EGFLAM: variants seen among roughly 807,000 people sequenced by gnomAD.
EGFLAM encodes EGF like, fibronectin type III and laminin G domains, also known as pikachurin.
A neutral mutation model predicts 113.1 loss-of-function variants in EGFLAM; 79 were observed. The observed-to-expected ratio is 0.70, with a 90% CI of 0.58 to 0.84. The LOEUF is 0.84. Among genes scored for constraint, EGFLAM ranks in the 40% least tolerant of loss-of-function variants. The pLI is 0.00. For synonymous variants in EGFLAM, 504 were observed against 487.6 expected (o/e 1.03, Z -0.44); for missense variants, 1,265 against 1,291.6 (o/e 0.98, Z 0.32).
chr5:38,379,101 A>C (rs1740441860), intron 6 of EGFLAM, among the ~76,000 whole-genome samples: 1 of 152,210 alleles, frequency 6.6e-6, no homozygotes, highest in Admixed American at 6.5e-5. Flanking sequence ...AAGAACAAAA[A>C]GTTTCCTCTC....
At chr5:38,355,480 G>A (rs1739741699) in intron 5 of EGFLAM, among the ~76,000 whole-genome samples, 1 of 152,140 alleles carries the variant, frequency 6.6e-6, no homozygotes, top group African/African-American at 2.4e-5. Context: ...CAGGGGACAA[G>A]GGGAGGTGAA....
intron 1 of EGFLAM, among the ~76,000 whole-genome samples, chr5:38,275,885 G>T (rs921572444): frequency 6.6e-6 from 1 of 152,126 alleles, no homozygotes; most frequent in Admixed American, 6.5e-5. Context: ...GACCACAATG[G>T]CATAAAACTA....
chr5:38,353,367 G>A (rs1353966587), intron 5 of EGFLAM, among the ~76,000 whole-genome samples: 1 of 152,182 alleles, frequency 6.6e-6, no homozygotes, highest in African/African-American at 2.4e-5. Context: ...TTGTGGAGTT[G>A]GGATTCTCCA....
chr5:38,424,940 G>C (rs1741948334), intron 12 of EGFLAM, 27 bp from the exon 13 acceptor site: 2 of 1,611,398 alleles, frequency 1.2e-6, no homozygotes, highest in African/African-American at 2.7e-5. Context: ...TGGAGGATTG[G>C]CTTTGTAATT....
At chr5:38,351,157 G>A (rs1166418517) in intron 4 of EGFLAM, among the ~76,000 whole-genome samples, 1 of 147,536 alleles carries the variant, frequency 6.8e-6, no homozygotes, top group African/African-American at 2.5e-5. Context: ...CACCCAGGCT[G>A]GAGTGTAGTG....
In EGFLAM at chr5:38,409,050, A is replaced by G; in HGVS notation, c.1295A>G (p.His432Arg). ...CTGCTCTACTGTGGGGAGAACGAACACGGGAGGGGGGATTTCATGTCCCTG... is the reference window on the plus strand; with the variant it reads ...CTGCTCTACTGTGGGGAGAACGAACGCGGGAGGGGGGATTTCATGTCCCTG... Reference protein sequence around the residue: ...GLLLYCGENEHGRGDFMSLAI... With the variant: ...GLLLYCGENERGRGDFMSLAI... The change falls in exon 10 of 22, where the codon CAC becomes CGC. Residue 432 changes from histidine to arginine, a missense_variant. Coordinates refer to ENST00000322350, the MANE Select transcript of EGFLAM (RefSeq NM_152403.4). 3.1e-6 allele frequency: 5 copies of G among 1,595,534 alleles called. No homozygotes were observed. The highest frequency in any genetic ancestry group is 1.1e-5 in the South Asian group (1 of 87,818).
intron 6 of EGFLAM, among the ~76,000 whole-genome samples, chr5:38,376,648 T>C (rs2366984): frequency 0.14 from 21,683 of 152,136 alleles, 1,913 homozygotes; most frequent in African/African-American, 0.25. Context: ...CCTCCTCCCT[T>C]TCTCCTTTCA....
At chr5:38,269,483 T>C (rs368808002) in intron 1 of EGFLAM, among the ~76,000 whole-genome samples, 146 of 139,210 alleles carry the variant, frequency 1.0e-3, no homozygotes, top group African/African-American at 4.2e-3. Flanking sequence ...GTTGAACCAC[T>C]TTTCTTTTCT....
chr5:38,429,535 T>G (rs1183837869), intron 14 of EGFLAM, among the ~76,000 whole-genome samples: 2 of 152,332 alleles, frequency 1.3e-5, no homozygotes, highest in Admixed American at 1.3e-4. Context: ...AATGCAATAA[T>G]GAGTCTCTTT....
rs910715139 is a variant in EGFLAM at position 38,447,775 on chromosome 5, A to T, written c.2465-526A>T. Among the ~76,000 whole-genome samples, 7 of 151,218 alleles carry T rather than the reference A, an allele frequency of 4.6e-5. No individual in the cohort carries two copies. In the East Asian group the frequency reaches 5.8e-4, roughly 13 times the overall value. On this transcript the variant is annotated intron_variant, in intron 17 of 21. Transcript: ENST00000322350. Reference sequence around the variant, plus strand: ...TTGTTTCAAAAAAAAAAAAAAAAAAAGATCTTGTGAAATACACTGGAAAGT... The same window carrying T: ...TTGTTTCAAAAAAAAAAAAAAAAAATGATCTTGTGAAATACACTGGAAAGT...
At chr5:38,377,223 C>T (rs1228176263) in intron 6 of EGFLAM, among the ~76,000 whole-genome samples, 4 of 151,988 alleles carry the variant, frequency 2.6e-5, no homozygotes, top group Non-Finnish European at 5.9e-5. Flanking sequence ...CTGCAACCTC[C>T]GCCCCCCAGG....
At chr5:38,407,715 AATGATAT>A (rs1389955512) in intron 8 of EGFLAM, 83 bp from the exon 9 acceptor site, 1 of 893,304 alleles carries the variant, frequency 1.1e-6, no homozygotes, top group Non-Finnish European at 1.8e-6. Context: ...GTTCTCACTT[AATGATAT>A]TCAGGCAACG....
chr5:38,262,276 C>T (rs1561253279), intron 1 of EGFLAM, among the ~76,000 whole-genome samples: 2 of 152,164 alleles, frequency 1.3e-5, no homozygotes, highest in Admixed American at 6.5e-5. Flanking sequence ...CAGACAACTG[C>T]GGGAACCAGC....
intron 19 of EGFLAM, among the ~76,000 whole-genome samples, chr5:38,457,612 A>C (rs1743132584): frequency 6.6e-6 from 1 of 152,126 alleles, no homozygotes; most frequent in African/African-American, 2.4e-5. Context: ...CATTTTAACT[A>C]ATGAATCTGC....
In EGFLAM at chr5:38,427,205, C is replaced by G. The variant is rs778033061; in HGVS notation, c.2007C>G (p.Gly669=). The part of the protein sequence containing the change: ...KDFLSINLAG[G]HVEFRFDCGS... Reference sequence around the variant, plus strand: ...TCCTGTCCATCAACTTGGCAGGGGGCCACGTGGAGTTCCGCTTTGACTGTG... The same window carrying G: ...TCCTGTCCATCAACTTGGCAGGGGGGCACGTGGAGTTCCGCTTTGACTGTG... Residue 669 remains glycine (G), a synonymous_variant, in exon 14 of 22, where the codon GGC becomes GGG. Coordinates refer to ENST00000322350, the MANE Select transcript of EGFLAM (RefSeq NM_152403.4). 9.9e-5 allele frequency: 159 copies of G among 1,614,050 alleles called. 1 individual carries two copies. The highest frequency in any genetic ancestry group is 1.7e-5 in the Admixed American group (1 of 60,010).
At chr5:38,418,340 G>A (rs747316923) in intron 12 of EGFLAM, 85 bp downstream of exon 12, 258 of 1,497,702 alleles carry the variant, frequency 1.7e-4, no homozygotes, top group Non-Finnish European at 2.3e-4. Flanking sequence ...CATGGAGGGA[G>A]CAGCAACATT....
chr5:38,262,833 T>C (rs1445733788), intron 1 of EGFLAM, among the ~76,000 whole-genome samples: 4 of 152,188 alleles, frequency 2.6e-5, no homozygotes, highest in African/African-American at 9.7e-5. Flanking sequence ...CCATTTCTCT[T>C]GATAAACAGA....
At chr5:38,461,964 G>A (rs1019558191) in intron 20 of EGFLAM, among the ~76,000 whole-genome samples, 3 of 152,008 alleles carry the variant, frequency 2.0e-5, no homozygotes, top group Admixed American at 6.6e-5. Flanking sequence ...AGGAGATCGA[G>A]ACCATCCTGG....
chr5:38,373,380 G>C (rs541246566), intron 6 of EGFLAM, among the ~76,000 whole-genome samples: 68 of 152,268 alleles, frequency 4.5e-4, no homozygotes, highest in South Asian at 3.7e-3. Context: ...TTGTACCTAA[G>C]AAGTAATTTT....
Sources: gnomAD v4.1 joint callset for allele counts (sites outside exome capture counted in the v4.1 genomes callset) on GRCh38, gnomAD v4.1.1 for gene constraint, MANE v1.5 for transcripts, NCBI Gene and HGNC (gene_info 2026-07-23, HGNC 2026-07-21) for gene names.